RABGAP1L: variants seen among roughly 807,000 people sequenced by gnomAD.
RABGAP1L encodes RAB GTPase activating protein 1 like.
RABGAP1L carries 63 observed loss-of-function variants against 137.7 expected under a neutral mutation model. The ratio of observed to expected loss-of-function variants is 0.46; its 90% CI spans 0.37 to 0.56. The LOEUF is 0.56. Among genes scored for constraint, RABGAP1L ranks in the 20% least tolerant of loss-of-function variants. The pLI, the probability that RABGAP1L is intolerant of heterozygous loss-of-function variation, is 0.00. For synonymous variants in RABGAP1L, 431 were observed against 433.7 expected (o/e 0.99, Z 0.08); for missense variants, 1,095 against 1,244.0 (o/e 0.88, Z 1.80).
intron 22 of RABGAP1L, among the ~76,000 whole-genome samples, chr1:174,977,493 T>C (rs867694247): frequency 3.6e-4 from 55 of 152,328 alleles, no homozygotes; most frequent in African/African-American, 1.2e-3. Context: ...CTGTAAGCAA[T>C]TGATACCTAA....
At chr1:174,268,314 C>T (rs993104920) in intron 7 of RABGAP1L, among the ~76,000 whole-genome samples, 2 of 151,824 alleles carry the variant, frequency 1.3e-5, no homozygotes, top group Non-Finnish European at 2.9e-5. Context: ...ATTCTCCTGC[C>T]TCAGCCTCCT....
chr1:174,376,952 C>G (rs182629217), intron 12 of RABGAP1L, among the ~76,000 whole-genome samples: 1 of 152,000 alleles, frequency 6.6e-6, no homozygotes, highest in African/African-American at 2.4e-5. Flanking sequence ...TAGAAAACCC[C>G]AAGGAATCTA....
At chr1:174,930,345 G>C (rs79243504) in intron 19 of RABGAP1L, among the ~76,000 whole-genome samples, 1 of 136,016 alleles carries the variant, frequency 7.4e-6, no homozygotes, top group East Asian at 2.2e-4. Context: ...TTTTTTTTTT[G>C]AGACAGGATC....
intron 15 of RABGAP1L, among the ~76,000 whole-genome samples, chr1:174,688,290 G>A (rs1425498753): frequency 6.6e-6 from 1 of 151,670 alleles, no homozygotes; most frequent in Non-Finnish European, 1.5e-5. Flanking sequence ...AATATTTATT[G>A]TTACAAGTTT....
At chr1:174,488,298 A>G (rs1353720294) in intron 13 of RABGAP1L, among the ~76,000 whole-genome samples, 3 of 151,292 alleles carry the variant, frequency 2.0e-5, no homozygotes, top group African/African-American at 7.3e-5. Context: ...TTCACCAGGT[A>G]TACTATTCCA....
intron 13 of RABGAP1L, among the ~76,000 whole-genome samples, chr1:174,599,060 A>T (rs1670217988): frequency 7.0e-6 from 1 of 143,480 alleles, no homozygotes; most frequent in Admixed American, 7.2e-5. Context: ...CTCCTCTCTG[A>T]TGGTGTTTTA....
chr1:174,634,536 T>G (rs887712876), intron 13 of RABGAP1L, among the ~76,000 whole-genome samples: 25 of 145,542 alleles, frequency 1.7e-4, no homozygotes, highest in Non-Finnish European at 3.6e-4. Flanking sequence ...TTACTGGGTA[T>G]ATACCCAAAT....
At chr1:174,645,894 G>A (rs962715980) in intron 14 of RABGAP1L, among the ~76,000 whole-genome samples, 15 of 151,968 alleles carry the variant, frequency 9.9e-5, no homozygotes, top group Non-Finnish European at 1.5e-4. Context: ...TTTAATGATC[G>A]CCATTCTAAC....
At chr1:174,720,290 T>TAGATAGATAGAC (rs368112419) in intron 17 of RABGAP1L, among the ~76,000 whole-genome samples, 9,824 of 141,418 alleles carry the variant, frequency 0.069, 381 homozygotes, top group African/African-American at 0.095. Context: ...GATAGATAGA[T>TAGATAGATAGAC]AGACAGACAG....
At chr1:174,863,862 C>A (rs1650737683) in intron 19 of RABGAP1L, among the ~76,000 whole-genome samples, 1 of 151,564 alleles carries the variant, frequency 6.6e-6, no homozygotes, top group South Asian at 2.1e-4. Flanking sequence ...TGCCTATAAT[C>A]CTAGCTACTC....
intron 18 of RABGAP1L, among the ~76,000 whole-genome samples, chr1:174,803,423 C>A (rs1688945912): frequency 6.6e-6 from 1 of 152,144 alleles, no homozygotes; most frequent in African/African-American, 2.4e-5. Flanking sequence ...AATACTGAAA[C>A]AGGAGATGCA....
chr1:174,917,124 C>T (rs893298034), intron 19 of RABGAP1L, among the ~76,000 whole-genome samples: 5 of 152,074 alleles, frequency 3.3e-5, no homozygotes, highest in Non-Finnish European at 5.9e-5. Context: ...GGGGCTCCAC[C>T]CTCATGACTT....
At chr1:174,921,218 C>T (rs538419102) in intron 19 of RABGAP1L, among the ~76,000 whole-genome samples, 9 of 152,286 alleles carry the variant, frequency 5.9e-5, no homozygotes, top group Non-Finnish European at 1.2e-4. Context: ...CCACTGCGCC[C>T]GGCCCAGTCT....
chr1:174,364,496 C>T (rs1348912926), intron 11 of RABGAP1L, among the ~76,000 whole-genome samples: 10 of 151,518 alleles, frequency 6.6e-5, no homozygotes, highest in Non-Finnish European at 1.5e-4. Context: ...CCTCGTGATC[C>T]ACCCGCCTCG....
intron 13 of RABGAP1L, among the ~76,000 whole-genome samples, chr1:174,605,474 A>G (rs1235060105): frequency 1.3e-5 from 2 of 151,848 alleles, no homozygotes; most frequent in African/African-American, 2.4e-5. Flanking sequence ...TGCTTTGATT[A>G]TGCTTTGTCT....
At chr1:174,418,611 T>C (rs1325198508) in intron 13 of RABGAP1L, among the ~76,000 whole-genome samples, 1 of 152,184 alleles carries the variant, frequency 6.6e-6, no homozygotes, top group Non-Finnish European at 1.5e-5. Context: ...TTAAGGATTC[T>C]ATGATGCTTC....
At chr1:174,547,836 G>T in intron 13 of RABGAP1L, 1 of 1,517,428 alleles carries the variant, frequency 6.6e-7, no homozygotes, top group Non-Finnish European at 8.9e-7. Flanking sequence ...TTGTCTTTTA[G>T]CAACAGATGA....
At chr1:174,256,097 A>G (rs12085311) in intron 7 of RABGAP1L, among the ~76,000 whole-genome samples, 1 of 151,942 alleles carries the variant, frequency 6.6e-6, no homozygotes, top group Non-Finnish European at 1.5e-5. Context: ...TCCAGTTCAG[A>G]ATTCATTCCA....
intron 19 of RABGAP1L, among the ~76,000 whole-genome samples, chr1:174,888,608 GC>G (rs202086096): frequency 0.012 from 1,836 of 152,130 alleles, 27 homozygotes; most frequent in African/African-American, 0.042. Context: ...TGATTCTCAT[GC>G]CTCAGCCTCC....
Sources: gnomAD v4.1 joint callset for allele counts (sites outside exome capture counted in the v4.1 genomes callset) on GRCh38, gnomAD v4.1.1 for gene constraint, MANE v1.5 for transcripts, NCBI Gene and HGNC (gene_info 2026-07-23, HGNC 2026-07-21) for gene names.